NLGN4Y: variants seen among roughly 807,000 people sequenced by gnomAD.
The protein encoded by NLGN4Y is neuroligin-4, Y-linked.
Under a neutral mutation model 8.4 loss-of-function variants are expected in NLGN4Y, and 4 were observed. That is an observed-to-expected ratio of 0.48 (90% confidence interval 0.23 to 1.09). The LOEUF is 1.09. NLGN4Y is among the 50% of genes least tolerant of loss of function. The pLI is 0.19. For missense variants in NLGN4Y, 90 were observed against 192.3 expected (o/e 0.47, Z 3.15); for synonymous variants, 35 against 75.6 (o/e 0.46, Z 2.78).
At chrY:14,580,460 A>G (rs2150485891) in intron 1 of NLGN4Y, among the ~76,000 whole-genome samples, 1 of 31,959 alleles carries the variant, frequency 3.1e-5, no homozygotes, top group East Asian at 8.2e-4. Flanking sequence ...TGGAGAAACA[A>G]ATTTTTTTTC....
At position 14,829,903 on chromosome Y, in the gene NLGN4Y, C is replaced by G; in HGVS notation, c.1045C>G (p.Gln349Glu). The G allele has an allele frequency of 5.0e-6, 2 of 399,102 alleles. No homozygotes were observed. Among genetic ancestry groups the G allele is most frequent in the Non-Finnish European group, 7.0e-6 (2 of 283,762 alleles). ...CAAGAACTACAAGGAGCTCATCCAG[C>G]AGACCATCACCCCGGCCACCTACCA... ...KNKNYKELIQ[Q>E]TITPATYHIA... The change falls in exon 6 of 7, where the codon CAG becomes GAG. Residue 349 changes from glutamine (Q) to glutamate (E), a missense_variant. Transcript: ENST00000684976.
intron 2 of NLGN4Y, among the ~76,000 whole-genome samples, chrY:14,656,958 T>C: frequency 3.1e-5 from 1 of 32,772 alleles, no homozygotes; most frequent in Non-Finnish European, 7.5e-5. Flanking sequence ...CCAGCGTCAC[T>C]GCTTTCTATG....
At chrY:14,591,267 G>A in intron 1 of NLGN4Y, among the ~76,000 whole-genome samples, 1 of 33,159 alleles carries the variant, frequency 3.0e-5, no homozygotes, top group South Asian at 7.0e-4. Flanking sequence ...GTTAAAAAAG[G>A]TGTGTGAGTT....
chrY:14,564,684 C>T lies in NLGN4Y; in HGVS notation c.-112+39976C>T, dbSNP rs537316692. Among the ~76,000 whole-genome samples, 206 of 33,769 alleles carry T rather than the reference C, an allele frequency of 6.1e-3. No individual in the cohort carries two copies. The East Asian group carries it at 0.15, about 25-fold the overall frequency. 90.6% of individuals were successfully genotyped at this position (33,769 alleles called of 37,273 possible). A position where few individuals can be genotyped will look rare whatever the true frequency, so the allele number is the denominator to read the frequency against. ...CTGAAGACAGCAGCCAACCTCCCAG[C>T]ATGGTGTTCAAGCTGTGCTAGGGTC... On this transcript the variant is annotated intron_variant, in intron 1 of 6. Coordinates refer to ENST00000684976, the MANE Select transcript of NLGN4Y (RefSeq NM_001365588.1).
intron 2 of NLGN4Y, among the ~76,000 whole-genome samples, chrY:14,712,084 A>C: frequency 6.5e-5 from 2 of 30,987 alleles, no homozygotes; most frequent in African/African-American, 1.3e-4. Flanking sequence ...AAAAAAAAAA[A>C]AAAAAGCCTG....
intron 2 of NLGN4Y, among the ~76,000 whole-genome samples, chrY:14,674,483 T>G: frequency 3.1e-5 from 1 of 31,962 alleles, no homozygotes; most frequent in Non-Finnish European, 7.6e-5. Context: ...ATAGCAGCAC[T>G]TATAATAAAT....
intron 4 of NLGN4Y, among the ~76,000 whole-genome samples, chrY:14,740,731 T>C: frequency 2.9e-5 from 1 of 34,069 alleles, no homozygotes; most frequent in Non-Finnish European, 7.3e-5. Context: ...TTTCAATTAT[T>C]AAGCTTGATT....
intron 2 of NLGN4Y, among the ~76,000 whole-genome samples, chrY:14,691,593 G>C (rs917561408): frequency 3.0e-5 from 1 of 33,254 alleles, no homozygotes; most frequent in Non-Finnish European, 7.5e-5. Context: ...TATTTTGTCA[G>C]TTTAAAATGA....
At chrY:14,564,651 T>G (rs2080245069) in intron 1 of NLGN4Y, among the ~76,000 whole-genome samples, 1 of 33,745 alleles carries the variant, frequency 3.0e-5, no homozygotes, top group African/African-American at 1.2e-4. Context: ...TGTCCCTGTC[T>G]GAAGGCTCTG....
intron 2 of NLGN4Y, among the ~76,000 whole-genome samples, chrY:14,687,363 T>G: frequency 3.1e-5 from 1 of 32,002 alleles, no homozygotes; most frequent in Non-Finnish European, 7.6e-5. Context: ...CACAGAGCAG[T>G]GTAATTGTCT....
chrY:14,576,997 T>A (rs2080301532), intron 1 of NLGN4Y, among the ~76,000 whole-genome samples: 2 of 33,789 alleles, frequency 5.9e-5, no homozygotes, highest in Non-Finnish European at 1.5e-4. Flanking sequence ...TCCTGGAGGA[T>A]CCCTTTCTTC....
At chrY:14,822,999 T>A in intron 4 of NLGN4Y, among the ~76,000 whole-genome samples, 3 of 33,035 alleles carry the variant, frequency 9.1e-5, no homozygotes, top group Non-Finnish European at 2.2e-4. Flanking sequence ...TGATTTAGGC[T>A]TGGAATTTAT....
intron 2 of NLGN4Y, among the ~76,000 whole-genome samples, chrY:14,625,843 GT>G (rs2150509438): frequency 3.0e-5 from 1 of 33,426 alleles, no homozygotes; most frequent in South Asian, 6.7e-4. Context: ...TTGAAGTGAG[GT>G]TAAAAAGTAA....
At chrY:14,568,425 T>G (rs753058323) in intron 1 of NLGN4Y, among the ~76,000 whole-genome samples, 2 of 33,500 alleles carry the variant, frequency 6.0e-5, no homozygotes, top group East Asian at 1.6e-3. Context: ...GGTTACCATA[T>G]GTATCCCATA....
At chrY:14,717,507 GAGATCAC>G (rs2080920078) in intron 2 of NLGN4Y, among the ~76,000 whole-genome samples, 10 of 31,521 alleles carry the variant, frequency 3.2e-4, no homozygotes. Context: ...GTAGTGAGCC[GAGATCAC>G]ACCACTGCCC....
intron 4 of NLGN4Y, among the ~76,000 whole-genome samples, chrY:14,796,365 G>T: frequency 3.1e-5 from 1 of 31,872 alleles, no homozygotes; most frequent in Non-Finnish European, 7.6e-5. Flanking sequence ...AGGCCGAGGC[G>T]GGCGGATCAC....
chrY:14,629,465 T>C, intron 2 of NLGN4Y, among the ~76,000 whole-genome samples: 1 of 33,332 alleles, frequency 3.0e-5, no homozygotes, highest in African/African-American at 1.2e-4. Flanking sequence ...TGGTGAGATA[T>C]CCAAATTTAC....
chrY:14,612,634 GCA>G (rs2080474128), intron 1 of NLGN4Y, among the ~76,000 whole-genome samples: 1 of 33,665 alleles, frequency 3.0e-5, no homozygotes, highest in Non-Finnish European at 7.4e-5. Flanking sequence ...CTGCAGAACA[GCA>G]AAGATTGCTG....
intron 2 of NLGN4Y, chrY:14,640,212 C>T: frequency 8.2e-6 from 1 of 121,974 alleles, no homozygotes. Flanking sequence ...GTGCACTTTG[C>T]TTGTTGCCAA....
Sources: gnomAD v4.1 joint callset for allele counts (sites outside exome capture counted in the v4.1 genomes callset) on GRCh38, gnomAD v4.1.1 for gene constraint, MANE v1.5 for transcripts, NCBI Gene and HGNC (gene_info 2026-07-23, HGNC 2026-07-21) for gene names.